Variants in EYS observed in about 807,000 individuals in gnomAD.
The protein encoded by EYS is protein eyes shut homolog.
In EYS, 250 loss-of-function variants were observed where a neutral mutation model predicts 282.1. The ratio of observed to expected loss-of-function variants is 0.89; its 90% confidence interval spans 0.80 to 0.98. The LOEUF (loss-of-function observed/expected upper bound fraction) is 0.98. Among genes scored for constraint, EYS ranks in the 50% least tolerant of loss-of-function variants. EYS has a pLI of 0.00. For synonymous variants in EYS, 1,355 were observed against 1,282.9 expected (o/e 1.06, Z -1.20); for missense variants, 4,016 against 3,709.0 (o/e 1.08, Z -2.15).
At chr6:64,532,939 CTG>C (rs1764398721) in intron 26 of EYS, among the ~76,000 whole-genome samples, 1 of 152,020 alleles carries the variant, frequency 6.6e-6, no homozygotes, top group African/African-American at 2.4e-5. Context: ...TCTTAAATAA[CTG>C]TGAGTACTAT....
chr6:65,338,908 G>A (rs1001499032), intron 10 of EYS, among the ~76,000 whole-genome samples: 4 of 150,930 alleles, frequency 2.7e-5, no homozygotes, highest in African/African-American at 4.8e-5. Context: ...TTCTGCATAG[G>A]TAAATAAACA....
chr6:65,350,654 C>T lies in EYS; in HGVS notation c.1459+2804G>A, dbSNP rs557124087. Among the ~76,000 whole-genome samples the T allele has an allele frequency of 9.8e-4, 148 of 151,644 alleles. 4 individuals are homozygous for T. The East Asian group carries it at 0.025, about 25-fold the overall frequency. ...TGATTCATATTGTCTTACTTCACTT[C>T]GCAACTCTTTATCCACTCTGTCAGT... On this transcript the variant is annotated intron_variant, in intron 9 of 42. Coordinates refer to ENST00000503581, the MANE Select transcript of EYS (RefSeq NM_001142800.2).
chr6:65,411,287 T>C (rs1335586060), intron 5 of EYS, among the ~76,000 whole-genome samples: 1 of 152,100 alleles, frequency 6.6e-6, no homozygotes, highest in African/African-American at 2.4e-5. Flanking sequence ...TCCCAATGTA[T>C]AAATATATCC....
intron 28 of EYS, among the ~76,000 whole-genome samples, chr6:64,410,200 T>C (rs1210958171): frequency 6.6e-6 from 1 of 152,152 alleles, no homozygotes; most frequent in Non-Finnish European, 1.5e-5. Flanking sequence ...TAACATTTTA[T>C]CTTTGCATCC....
chr6:64,344,324 C>A (rs1293671215), intron 29 of EYS, among the ~76,000 whole-genome samples: 11 of 151,828 alleles, frequency 7.2e-5, no homozygotes, highest in Non-Finnish European at 1.2e-4. Flanking sequence ...TACTGGCAAA[C>A]CGAATCCAGC....
chr6:64,316,915 C>G (rs1330842986), intron 29 of EYS, among the ~76,000 whole-genome samples: 1 of 152,098 alleles, frequency 6.6e-6, no homozygotes. Context: ...CACCACACAT[C>G]TACAACCATC....
intron 31 of EYS, among the ~76,000 whole-genome samples, chr6:64,131,109 T>TC (rs33918360): frequency 4.0e-5 from 6 of 151,448 alleles, no homozygotes; most frequent in African/African-American, 1.2e-4. Flanking sequence ...TTCGTGATCC[T>TC]CCCCCCCTTG....
chr6:64,118,456 A>G (rs1015419683), intron 31 of EYS, among the ~76,000 whole-genome samples: 6 of 152,158 alleles, frequency 3.9e-5, no homozygotes, highest in African/African-American at 1.4e-4. Context: ...GCTCTTCAAC[A>G]AATGGTGCTG....
chr6:63,871,969 C>G lies in EYS; in HGVS notation c.7056-7611G>C, dbSNP rs552215417. Among the ~76,000 whole-genome samples the G allele has an allele frequency of 5.3e-5, 8 of 152,288 alleles. No individual in the cohort carries two copies. The East Asian group carries it at 1.4e-3, about 26-fold the overall frequency. On this transcript the variant is annotated intron_variant, in intron 35 of 42. Coordinates refer to ENST00000503581, the MANE Select transcript of EYS (RefSeq NM_001142800.2). Reference sequence around the variant, plus strand: ...TTACCACCAGGAGACAGCCCATGACCCACCCAACTTTCCAGCTTCTAGGTG... The same window carrying G: ...TTACCACCAGGAGACAGCCCATGACGCACCCAACTTTCCAGCTTCTAGGTG...
chr6:65,702,844 G>T (rs1410955396), intron 1 of EYS, among the ~76,000 whole-genome samples: 1 of 152,044 alleles, frequency 6.6e-6, no homozygotes, highest in Non-Finnish European at 1.5e-5. Flanking sequence ...TGTCAACTTG[G>T]CTAGGCCATG....
At chr6:65,625,066 A>T (rs2149804354) in intron 2 of EYS, among the ~76,000 whole-genome samples, 1 of 152,216 alleles carries the variant, frequency 6.6e-6, no homozygotes, top group Middle Eastern at 3.4e-3. Context: ...AGCCTGAGAA[A>T]ATTTCAACCT....
Position 64,591,041 on chromosome 6 carries a change from T to G in EYS, c.4826A>C (p.His1609Pro). ...LMGAQTITSG[H>P]SFSSATEITP... is the part of the protein sequence containing the mutation. ...TATTTCAGTAGCAGAAGAAAATGAA[T>G]GCCCAGAAGTGATAGTTTGAGCTCC... The change falls in exon 26 of 43, where the codon CAT (histidine) becomes CCT (proline). Residue 1609 changes from histidine to proline, a missense_variant. Transcript: ENST00000503581. 6.4e-7 allele frequency: 1 copy of G among 1,551,356 alleles called. No individual in the cohort carries two copies. Among genetic ancestry groups the G allele is most frequent in the Admixed American group, 2.0e-5 (1 of 50,974 alleles).
chr6:64,489,507 A>G (rs1404061878), intron 26 of EYS, among the ~76,000 whole-genome samples: 2 of 148,070 alleles, frequency 1.4e-5, no homozygotes, highest in African/African-American at 4.9e-5. Flanking sequence ...AAAATTTACT[A>G]TAGATTTTAT....
intron 30 of EYS, among the ~76,000 whole-genome samples, chr6:64,283,543 A>G (rs9451255): frequency 0.71 from 107,886 of 152,042 alleles, 38,418 homozygotes; most frequent in African/African-American, 0.77. Context: ...AATGATAAAC[A>G]TGCCTAGTGA....
chr6:65,511,953 C>A (rs1234935446), intron 2 of EYS, among the ~76,000 whole-genome samples: 2 of 142,946 alleles, frequency 1.4e-5, no homozygotes, highest in African/African-American at 5.4e-5. Flanking sequence ...CCACTGCACT[C>A]CAGCCTGGGT....
At chr6:65,595,648 T>TG (rs1765378504) in intron 2 of EYS, among the ~76,000 whole-genome samples, 1 of 102,546 alleles carries the variant, frequency 9.8e-6, no homozygotes, top group East Asian at 3.8e-4. Flanking sequence ...CTCTTTTATC[T>TG]CAAAAAAAAA....
intron 35 of EYS, among the ~76,000 whole-genome samples, chr6:63,923,598 G>C (rs2149745316): frequency 6.6e-6 from 1 of 152,236 alleles, no homozygotes; most frequent in East Asian, 1.9e-4. Context: ...ATTTATTTTA[G>C]ATTCAGAGGG....
chr6:64,395,413 A>C, intron 28 of EYS, among the ~76,000 whole-genome samples: 1 of 152,234 alleles, frequency 6.6e-6, no homozygotes, highest in Non-Finnish European at 1.5e-5. Flanking sequence ...CTGGATTAAG[A>C]AAATGTGTCA....
At chr6:63,972,858 G>C (rs1288710414) in intron 35 of EYS, among the ~76,000 whole-genome samples, 1 of 152,066 alleles carries the variant, frequency 6.6e-6, no homozygotes, top group Non-Finnish European at 1.5e-5. Context: ...CCCTGCAAAG[G>C]ACATGAACTC....
Sources: gnomAD v4.1 joint callset for allele counts (sites outside exome capture counted in the v4.1 genomes callset) on GRCh38, gnomAD v4.1.1 for gene constraint, MANE v1.5 for transcripts, NCBI Gene and HGNC (gene_info 2026-07-23, HGNC 2026-07-21) for gene names.